The following MARCHF1 variants were observed in gnomAD, a reference collection of about 807,000 sequenced individuals.
The protein encoded by MARCHF1 is membrane associated ring-CH-type finger 1.
Under a neutral mutation model 54.2 loss-of-function variants are expected in MARCHF1, and 40 were observed. The ratio of observed to expected loss-of-function variants is 0.74; its 90% CI spans 0.57 to 0.96. MARCHF1 has a LOEUF of 0.96. MARCHF1 is among the 40% of genes least tolerant of loss of function. The pLI, the probability that MARCHF1 is intolerant of heterozygous loss-of-function variation, is 0.00. For synonymous variants in MARCHF1, 236 were observed against 236.3 expected (o/e 1.00, Z 0.01); for missense variants, 586 against 656.5 (o/e 0.89, Z 1.17).
chr4:164,258,763 A>G (rs912453521), intron 1 of MARCHF1, among the ~76,000 whole-genome samples: 2 of 152,102 alleles, frequency 1.3e-5, no homozygotes, highest in African/African-American at 2.4e-5. Context: ...TTTATTTTTT[A>G]TCATTCTTAT....
intron 3 of MARCHF1, among the ~76,000 whole-genome samples, chr4:163,881,256 T>C (rs958110066): frequency 6.6e-6 from 1 of 151,998 alleles, no homozygotes; most frequent in African/African-American, 2.4e-5. Flanking sequence ...GGGCGGATTA[T>C]CTGAGTTTAG....
intron 3 of MARCHF1, among the ~76,000 whole-genome samples, chr4:163,916,782 C>T (rs1012111559): frequency 1.3e-5 from 2 of 152,064 alleles, no homozygotes; most frequent in African/African-American, 2.4e-5. Context: ...ACAGCCACTG[C>T]CACTATCAAC....
At chr4:164,119,545 A>T (rs17579188) in intron 1 of MARCHF1, among the ~76,000 whole-genome samples, 7 of 151,200 alleles carry the variant, frequency 4.6e-5, no homozygotes, top group Non-Finnish European at 8.9e-5. Flanking sequence ...ATTGAGGTTA[A>T]AAATTTTAAA....
At chr4:163,670,384 G>A (rs199902066) in intron 5 of MARCHF1, among the ~76,000 whole-genome samples, 1,149 of 107,166 alleles carry the variant, frequency 0.011, 1 homozygote, top group Middle Eastern at 0.019. Context: ...CTATCTATCT[G>A]TCTGTCTATC....
intron 3 of MARCHF1, among the ~76,000 whole-genome samples, chr4:163,911,917 T>A (rs1018492282): frequency 2.6e-5 from 4 of 152,170 alleles, no homozygotes; most frequent in African/African-American, 9.7e-5. Flanking sequence ...TTCTGTTGTT[T>A]AAGTCACCCA....
intron 9 of MARCHF1, among the ~76,000 whole-genome samples, chr4:163,532,866 C>T (rs959297414): frequency 6.6e-6 from 1 of 151,876 alleles, no homozygotes; most frequent in African/African-American, 2.4e-5. Context: ...AAACACTGAA[C>T]GTTGGAAAGG....
intron 5 of MARCHF1, among the ~76,000 whole-genome samples, chr4:163,685,088 G>T (rs1744225419): frequency 6.6e-6 from 1 of 152,106 alleles, no homozygotes; most frequent in South Asian, 2.1e-4. Context: ...GCTTAACATT[G>T]TGAATAGGTT....
intron 3 of MARCHF1, among the ~76,000 whole-genome samples, chr4:163,861,332 CAT>C (rs1399309467): frequency 7.2e-5 from 11 of 152,044 alleles, no homozygotes; most frequent in African/African-American, 2.4e-4. Flanking sequence ...AAATTTGTAA[CAT>C]ATGTACAACC....
intron 2 of MARCHF1, among the ~76,000 whole-genome samples, chr4:164,018,386 A>C (rs1753590834): frequency 6.6e-6 from 1 of 151,994 alleles, no homozygotes; most frequent in Non-Finnish European, 1.5e-5. Context: ...CATATATGGC[A>C]ACATATATAT....
intron 1 of MARCHF1, among the ~76,000 whole-genome samples, chr4:164,270,037 C>T (rs974129816): frequency 1.3e-5 from 2 of 152,094 alleles, no homozygotes; most frequent in African/African-American, 4.8e-5. Context: ...CCCATGGTTT[C>T]TCATAGTATT....
intron 3 of MARCHF1, among the ~76,000 whole-genome samples, chr4:163,980,383 T>C (rs1054830896): frequency 1.4e-5 from 2 of 141,924 alleles, no homozygotes; most frequent in African/African-American, 2.7e-5. Context: ...GGATTAAAGA[T>C]TTAAACGTTA....
chr4:163,803,205 C>T (rs1748130639), intron 4 of MARCHF1, among the ~76,000 whole-genome samples: 1 of 152,066 alleles, frequency 6.6e-6, no homozygotes, highest in African/African-American at 2.4e-5. Context: ...TAGAGTTTCA[C>T]TCTTTTTGTC....
At chr4:163,558,381 T>G (rs1216239544) in intron 8 of MARCHF1, among the ~76,000 whole-genome samples, 2 of 152,154 alleles carry the variant, frequency 1.3e-5, no homozygotes, top group East Asian at 3.8e-4. Context: ...AGTGAGGCAG[T>G]AGGAAGAGTT....
chr4:163,977,214 T>C (rs1358429809), intron 3 of MARCHF1, among the ~76,000 whole-genome samples: 2 of 151,976 alleles, frequency 1.3e-5, no homozygotes, highest in African/African-American at 4.8e-5. Flanking sequence ...TTTACTGTCA[T>C]AATGCATTAG....
chr4:163,686,218 T>G (rs1282777199), intron 5 of MARCHF1, among the ~76,000 whole-genome samples: 3 of 142,464 alleles, frequency 2.1e-5, no homozygotes, highest in Admixed American at 7.0e-5. Flanking sequence ...GTTAATAAAA[T>G]AATTTTCCAT....
intron 4 of MARCHF1, among the ~76,000 whole-genome samples, chr4:163,771,638 TATC>T (rs1747164404): frequency 6.6e-6 from 1 of 152,166 alleles, no homozygotes; most frequent in Non-Finnish European, 1.5e-5. Context: ...TGTCTCCTAA[TATC>T]ATCACCTTGG....
At chr4:163,958,124 G>A (rs1752268815) in intron 3 of MARCHF1, among the ~76,000 whole-genome samples, 1 of 151,744 alleles carries the variant, frequency 6.6e-6, no homozygotes, top group Non-Finnish European at 1.5e-5. Context: ...CCTGTCTGAT[G>A]GCCTTTGCAC....
At chr4:164,352,016 G>A (rs1440554306) in intron 1 of MARCHF1, among the ~76,000 whole-genome samples, 15 of 136,654 alleles carry the variant, frequency 1.1e-4, no homozygotes, top group South Asian at 2.4e-4. Flanking sequence ...TATCAGCAAT[G>A]GAAGATGAAA....
rs532277739 is a variant in MARCHF1 at position 163,814,610 on chromosome 4, TG to T, written c.111+39410del. Among the ~76,000 whole-genome samples, 470 of 152,248 alleles carry T rather than the reference TG, an allele frequency of 3.1e-3. 4 individuals carry two copies. Among genetic ancestry groups the T allele is most frequent in the African/African-American group, 0.011 (446 of 41,572 alleles). ...AAAAATAAAAAAATAAAAAATTGTT[TG>T]CTGTGGTAACATATGATTTAGGGTG... On this transcript the variant is annotated intron_variant, in intron 4 of 9. Coordinates refer to ENST00000514618, the MANE Select transcript of MARCHF1 (RefSeq NM_001394959.1).
Sources: allele counts gnomAD v4.1 joint callset (sites outside exome capture counted in the v4.1 genomes callset), GRCh38; gene constraint gnomAD v4.1.1; transcripts MANE v1.5; gene names NCBI Gene and HGNC (gene_info 2026-07-23, HGNC 2026-07-21).